ABTB3: variants seen among roughly 807,000 people sequenced by gnomAD.
ABTB3 encodes ankyrin repeat- and BTB/POZ domain-containing protein 3.
At chr12:107,321,705 G>A in the ABTB3 span, among the ~76,000 whole-genome samples, 2 of 152,116 alleles carry the variant, frequency 1.3e-5, no homozygotes, top group African/African-American at 4.8e-5. Context: ...TTCAGAATGC[G>A]GGGATTCACC....
the ABTB3 span, among the ~76,000 whole-genome samples, chr12:107,456,048 C>T: frequency 6.6e-6 from 1 of 152,162 alleles, no homozygotes; most frequent in African/African-American, 2.4e-5. Flanking sequence ...ACAACAGAAG[C>T]ATGAGAAATG....
At chr12:107,602,700 A>G in the ABTB3 span, among the ~76,000 whole-genome samples, 6 of 152,248 alleles carry the variant, frequency 3.9e-5, no homozygotes, top group Non-Finnish European at 7.3e-5. Flanking sequence ...GCTTTAAAAC[A>G]TAATAAATGC....
the ABTB3 span, among the ~76,000 whole-genome samples, chr12:107,447,468 C>T: frequency 6.6e-6 from 1 of 152,152 alleles, no homozygotes; most frequent in Non-Finnish European, 1.5e-5. Flanking sequence ...CTCCTGTCCC[C>T]CTTCCAGCCC....
the ABTB3 span, among the ~76,000 whole-genome samples, chr12:107,340,508 G>A: frequency 1.3e-5 from 2 of 152,258 alleles, no homozygotes; most frequent in East Asian, 1.9e-4. Flanking sequence ...ATGGTGCTGT[G>A]TGTTGTCTAT....
chr12:107,603,046 G>A, the ABTB3 span, among the ~76,000 whole-genome samples: 1 of 152,148 alleles, frequency 6.6e-6, no homozygotes, highest in Non-Finnish European at 1.5e-5. Context: ...CATAAAGCTG[G>A]TTGCCTTCTA....
At chr12:107,555,432 C>A in the ABTB3 span, among the ~76,000 whole-genome samples, 2 of 152,192 alleles carry the variant, frequency 1.3e-5, no homozygotes, top group South Asian at 2.1e-4. Flanking sequence ...TCTCTCACAA[C>A]GTGCATGTTT....
the ABTB3 span, among the ~76,000 whole-genome samples, chr12:107,465,821 C>CA: frequency 6.6e-6 from 1 of 152,212 alleles, no homozygotes; most frequent in African/African-American, 2.4e-5. Context: ...CACATCCACA[C>CA]ACACAGTCGC....
At chr12:107,471,433 A>T in the ABTB3 span, among the ~76,000 whole-genome samples, 2 of 152,206 alleles carry the variant, frequency 1.3e-5, no homozygotes, top group Non-Finnish European at 2.9e-5. Context: ...ACAGGCTCCC[A>T]TTGCAGGTCA....
At chr12:107,360,658 G>A in the ABTB3 span, among the ~76,000 whole-genome samples, 1 of 152,182 alleles carries the variant, frequency 6.6e-6, no homozygotes, top group Admixed American at 6.5e-5. Context: ...TTTACCTAAT[G>A]GCTCTGTTTC....
At chr12:107,634,433 T>G in the ABTB3 span, among the ~76,000 whole-genome samples, 1 of 152,220 alleles carries the variant, frequency 6.6e-6, no homozygotes, top group African/African-American at 2.4e-5. Flanking sequence ...AGGGTTTTAT[T>G]GCCAAAAAGA....
chr12:107,387,957 CT>C, the ABTB3 span, among the ~76,000 whole-genome samples: 88 of 142,416 alleles, frequency 6.2e-4, no homozygotes, highest in East Asian at 4.3e-3. Context: ...TTCTCCTCTT[CT>C]TCTTCTTCTT....
the ABTB3 span, among the ~76,000 whole-genome samples, chr12:107,455,237 A>G: frequency 1.3e-5 from 2 of 152,218 alleles, no homozygotes; most frequent in African/African-American, 2.4e-5. Flanking sequence ...GTGGGGATAA[A>G]TCTGCACCAC....
At chr12:107,602,268 C>T in the ABTB3 span, among the ~76,000 whole-genome samples, 1 of 152,216 alleles carries the variant, frequency 6.6e-6, no homozygotes, top group Non-Finnish European at 1.5e-5. Context: ...GCCAGGCTTT[C>T]CCCACTGGGT....
the ABTB3 span, among the ~76,000 whole-genome samples, chr12:107,483,960 G>A: frequency 4.6e-5 from 7 of 152,292 alleles, no homozygotes; most frequent in Admixed American, 3.3e-4. Context: ...ACAAAATGCT[G>A]AGATTACAGG....
At chr12:107,619,868 G>A in the ABTB3 span, 1 of 912,384 alleles carries the variant, frequency 1.1e-6, no homozygotes, top group Non-Finnish European at 1.6e-6. Flanking sequence ...ATTTAGTAAT[G>A]TCCTGGGGAA....
the ABTB3 span, among the ~76,000 whole-genome samples, chr12:107,397,257 C>G: frequency 6.6e-6 from 1 of 152,184 alleles, no homozygotes; most frequent in Non-Finnish European, 1.5e-5. Context: ...TCTTGTTTCT[C>G]CACATTCCCA....
At chr12:107,531,480 T>A in the ABTB3 span, among the ~76,000 whole-genome samples, 1 of 152,178 alleles carries the variant, frequency 6.6e-6, no homozygotes, top group Non-Finnish European at 1.5e-5. Context: ...CAGACTGGAT[T>A]AGCTCGAAGG....
At chr12:107,646,905 G>A in the ABTB3 span, among the ~76,000 whole-genome samples, 4 of 151,826 alleles carry the variant, frequency 2.6e-5, no homozygotes, top group East Asian at 1.9e-4. Flanking sequence ...CAGAAGGAGC[G>A]GGCGGAGCTC....
the ABTB3 span, among the ~76,000 whole-genome samples, chr12:107,541,811 C>T: frequency 1.1e-3 from 165 of 152,190 alleles, no homozygotes; most frequent in Middle Eastern, 6.8e-3. Context: ...CTGTTGGGTA[C>T]TATGCTGTTT....
Sources: gnomAD v4.1 joint callset for allele counts (sites outside exome capture counted in the v4.1 genomes callset) on GRCh38, gnomAD v4.1.1 for gene constraint, MANE v1.5 for transcripts, NCBI Gene and HGNC (gene_info 2026-07-23, HGNC 2026-07-21) for gene names.